Variants in KCNG3 observed in about 807,000 individuals in gnomAD.
The protein encoded by KCNG3 is potassium voltage-gated channel modifier subfamily G member 3, also known as voltage-gated potassium channel regulatory subunit KCNG3.
In KCNG3, 15 loss-of-function variants were observed where a neutral mutation model predicts 29.0. The ratio of observed to expected loss-of-function variants is 0.52; its 90% CI spans 0.35 to 0.80. The LOEUF is 0.80. Among genes scored for constraint, KCNG3 ranks in the 30% least tolerant of loss-of-function variants. The pLI is 0.01. For missense variants in KCNG3, 512 were observed against 605.7 expected (o/e 0.85, Z 1.62); for synonymous variants, 322 against 248.9 (o/e 1.29, Z -2.76).
intron 1 of KCNG3, among the ~76,000 whole-genome samples, chr2:42,471,488 C>T (rs1389259054): frequency 2.0e-5 from 3 of 151,814 alleles, no homozygotes; most frequent in African/African-American, 4.8e-5. Flanking sequence ...TCAGGGTATG[C>T]GAGGAGGGGG....
chr2:42,419,546 C>A, the KCNG3 span, among the ~76,000 whole-genome samples: 1 of 152,000 alleles, frequency 6.6e-6, no homozygotes, highest in Non-Finnish European at 1.5e-5. Context: ...ATCCACCACG[C>A]CCAGCCCTCA....
the KCNG3 span, among the ~76,000 whole-genome samples, chr2:42,428,792 C>A: frequency 6.6e-6 from 1 of 152,094 alleles, no homozygotes; most frequent in Non-Finnish European, 1.5e-5. Context: ...TCAGGTGTCA[C>A]CTGGTTGTGG....
At chr2:42,452,243 A>ATATATATATATATATATATATT in intron 1 of KCNG3, among the ~76,000 whole-genome samples, 45 of 95,028 alleles carry the variant, frequency 4.7e-4, no homozygotes, top group African/African-American at 1.3e-3. Flanking sequence ...ATATATATAT[A>ATATATATATATATATATATATT]TTTTTTTTTT....
chr2:42,467,452 G>C (rs1471822591), intron 1 of KCNG3, among the ~76,000 whole-genome samples: 2 of 152,146 alleles, frequency 1.3e-5, no homozygotes, highest in African/African-American at 4.8e-5. Context: ...TGGATCATCT[G>C]AGGTCAGGAG....
chr2:42,415,132 G>C, the KCNG3 span, among the ~76,000 whole-genome samples: 1 of 152,102 alleles, frequency 6.6e-6, no homozygotes, highest in Non-Finnish European at 1.5e-5. Flanking sequence ...CTTATTAAGT[G>C]ATTTCTGTGG....
At position 42,485,816 on chromosome 2, in the gene KCNG3, G is replaced by A. The variant is rs1381087840; in HGVS notation, c.665+7021C>T. On this transcript the variant is annotated intron_variant, in intron 1 of 1. Transcript: ENST00000306078. ...TGAGAAACAGAACATTAATCTCCTT[G>A]GAAGTGTCAGAATAATACTCAGATG... Among the ~76,000 whole-genome samples, 5 of 152,176 alleles carry A rather than the reference G, an allele frequency of 3.3e-5. No individual in the cohort carries two copies. In the East Asian group the frequency reaches 9.6e-4, roughly 29 times the overall value.
At chr2:42,479,942 G>A (rs567127908) in intron 1 of KCNG3, among the ~76,000 whole-genome samples, 1 of 152,314 alleles carries the variant, frequency 6.6e-6, no homozygotes, top group African/African-American at 2.4e-5. Context: ...AACCCAGGAG[G>A]TGGAGGTTGC....
the KCNG3 span, among the ~76,000 whole-genome samples, chr2:42,415,056 C>T: frequency 4.6e-5 from 7 of 152,130 alleles, no homozygotes; most frequent in Non-Finnish European, 1.0e-4. Context: ...TAGGGCTGAA[C>T]CTCCTCAAAC....
intron 1 of KCNG3, among the ~76,000 whole-genome samples, chr2:42,457,277 G>A (rs1269423310): frequency 6.6e-6 from 1 of 150,952 alleles, no homozygotes; most frequent in African/African-American, 2.4e-5. Context: ...TTGAGCCCAG[G>A]AGTTCAAGAC....
At chr2:42,439,918 C>T (rs1672438795), downstream of KCNG3, among the ~76,000 whole-genome samples, 1 of 152,212 alleles carries the variant, frequency 6.6e-6, no homozygotes, top group South Asian at 2.1e-4. Context: ...GCTCGGATTA[C>T]AGGCGTGAGT....
At chr2:42,452,770 G>GGGGTGT (rs113044170) in intron 1 of KCNG3, among the ~76,000 whole-genome samples, 3 of 150,104 alleles carry the variant, frequency 2.0e-5, no homozygotes, top group African/African-American at 4.9e-5. Context: ...CATTCAACTG[G>GGGGTGT]GTGTGTGTGT....
the KCNG3 span, among the ~76,000 whole-genome samples, chr2:42,420,747 G>A: frequency 6.6e-6 from 1 of 152,206 alleles, no homozygotes; most frequent in East Asian, 1.9e-4. Context: ...CCGAGATCAT[G>A]CCATTGCACT....
chr2:42,394,073 G>C, the KCNG3 span, among the ~76,000 whole-genome samples: 1 of 152,294 alleles, frequency 6.6e-6, no homozygotes, highest in African/African-American at 2.4e-5. Flanking sequence ...GAGCCACTAT[G>C]CCAGGCCATA....
intron 1 of KCNG3, among the ~76,000 whole-genome samples, chr2:42,445,876 G>A (rs1332864068): frequency 2.6e-5 from 4 of 151,862 alleles, no homozygotes; most frequent in Non-Finnish European, 1.5e-5. Flanking sequence ...ACAGGCGTCT[G>A]CCACCATGCG....
At chr2:42,489,906 C>T (rs1673829746) in intron 1 of KCNG3, among the ~76,000 whole-genome samples, 2 of 152,224 alleles carry the variant, frequency 1.3e-5, no homozygotes, top group Non-Finnish European at 1.5e-5. Context: ...CACCACAAAG[C>T]CATCCAAGCT....
the KCNG3 span, among the ~76,000 whole-genome samples, chr2:42,436,788 A>G: frequency 1.3e-5 from 2 of 152,246 alleles, no homozygotes; most frequent in African/African-American, 2.4e-5. Flanking sequence ...AAAATTCCTC[A>G]TCCTTAGGTC....
At chr2:42,449,667 A>C (rs1413855540) in intron 1 of KCNG3, among the ~76,000 whole-genome samples, 1 of 151,756 alleles carries the variant, frequency 6.6e-6, no homozygotes, top group African/African-American at 2.4e-5. Flanking sequence ...ACAGGCGCGC[A>C]CCACCACACC....
the KCNG3 span, among the ~76,000 whole-genome samples, chr2:42,389,093 T>G: frequency 6.6e-6 from 1 of 152,052 alleles, no homozygotes. Context: ...AATTTTTGTA[T>G]TTTTAGTAGA....
chr2:42,490,410 T>C (rs1673843466), intron 1 of KCNG3, among the ~76,000 whole-genome samples: 1 of 152,092 alleles, frequency 6.6e-6, no homozygotes. Context: ...ACCCCATCTC[T>C]ACTAAAAATG....
Sources: gnomAD v4.1 joint callset for allele counts (sites outside exome capture counted in the v4.1 genomes callset) on GRCh38, gnomAD v4.1.1 for gene constraint, MANE v1.5 for transcripts, NCBI Gene and HGNC (gene_info 2026-07-23, HGNC 2026-07-21) for gene names.